ADAM12: variants seen among roughly 807,000 people sequenced by gnomAD.
ADAM12 encodes ADAM metallopeptidase domain 12.
Under a neutral mutation model 106.4 loss-of-function variants are expected in ADAM12, and 70 were observed. The ratio of observed to expected loss-of-function variants is 0.66; its 90% CI spans 0.54 to 0.80. The LOEUF (loss-of-function observed/expected upper bound fraction) is 0.80. ADAM12 is among the 30% of genes least tolerant of loss of function. The probability of loss-of-function intolerance (pLI) is 0.00; values close to 1 mark genes in which losing one functional copy is unlikely to be tolerated. For missense variants in ADAM12, 1,010 were observed against 1,171.9 expected, an observed-to-expected ratio of 0.86 and a Z score of 2.02; for synonymous variants, 420 against 433.5, an observed-to-expected ratio of 0.97 and a Z score of 0.39.
chr10:126,326,449 C>A (rs530842452), intron 2 of ADAM12, among the ~76,000 whole-genome samples: 6 of 152,220 alleles, frequency 3.9e-5, no homozygotes, highest in Admixed American at 3.3e-4. Flanking sequence ...AGGGCCAAAA[C>A]ACAGGGGTTG....
rs1565026834 is a variant in ADAM12, at chr10:126,064,547, G to T, written c.1609+259C>A. 1 of 421,586 alleles carries T rather than the reference G, an allele frequency of 2.4e-6. No homozygotes were observed. 26.1% of individuals were successfully genotyped at this position (421,586 alleles called of 1,614,324 possible). ...CTGTATCCCCCGGGGCGCACAGTAG[G>T]TGCTCCTGCAGCTCCTGTTGGACCG... On this transcript the variant is annotated intron_variant, in intron 14 of 22. Transcript: ENST00000448723. The surrounding 1 kb of genome is among the most constrained non-coding windows in gnomAD (Gnocchi z 4.4).
At chr10:126,035,970 C>T (rs1954052766) in intron 21 of ADAM12, among the ~76,000 whole-genome samples, 176 bp downstream of exon 21, 1 of 152,002 alleles carries the variant, frequency 6.6e-6, no homozygotes, top group Non-Finnish European at 1.5e-5. Context: ...TATTATACTC[C>T]AGGCACCAAA....
chr10:126,254,223 A>G (rs1590689479), intron 3 of ADAM12, among the ~76,000 whole-genome samples: 2 of 152,162 alleles, frequency 1.3e-5, no homozygotes, highest in African/African-American at 4.8e-5. Flanking sequence ...CAGCTCTGGC[A>G]CCTATCAGCT....
chr10:126,197,370 A>G (rs759858591), intron 3 of ADAM12, among the ~76,000 whole-genome samples: 21 of 152,194 alleles, frequency 1.4e-4, no homozygotes, highest in Admixed American at 5.2e-4. Flanking sequence ...CTCGGGATAC[A>G]TGTCCCAGGC....
intron 1 of ADAM12, among the ~76,000 whole-genome samples, chr10:126,367,029 A>T (rs1180952030): frequency 6.6e-6 from 1 of 152,090 alleles, no homozygotes; most frequent in African/African-American, 2.4e-5. Flanking sequence ...AACAAAAAAT[A>T]TTAGTAAGCT....
rs570013358 is a variant in ADAM12, at chr10:126,308,087, CTAGTAAGGCTCAGTCCAAGCCT to C, written c.186+22303_186+22324del. ...GCTGGGTCAGGGTTGGGCTGCACTT[CTAGTAAGGCTCAGTCCAAGCCT>C]TAGTAAGGCTCATCCTCAAGGATGG... On this transcript the variant is annotated intron_variant, in intron 2 of 22. Coordinates refer to ENST00000448723, the MANE Select transcript of ADAM12 (RefSeq NM_001288973.2). Among the ~76,000 whole-genome samples, 61 of 152,280 alleles carry C rather than the reference CTAGTAAGGCTCAGTCCAAGCCT, an allele frequency of 4.0e-4. 1 individual carries two copies. In the South Asian group the frequency reaches 5.6e-3, roughly 14 times the overall value.
At chr10:126,220,200 A>G (rs548531982) in intron 3 of ADAM12, among the ~76,000 whole-genome samples, 40 of 152,368 alleles carry the variant, frequency 2.6e-4, no homozygotes, top group Admixed American at 7.8e-4. Flanking sequence ...GGGCTTAGTT[A>G]ACTCTCTGAA....
chr10:126,362,143 C>T (rs1486338636), intron 1 of ADAM12, among the ~76,000 whole-genome samples: 1 of 151,824 alleles, frequency 6.6e-6, no homozygotes, highest in Non-Finnish European at 1.5e-5. Context: ...AGACATTTCT[C>T]AAAATAAGAC....
At chr10:126,112,278 C>T (rs998111127) in intron 6 of ADAM12, among the ~76,000 whole-genome samples, 1 of 150,436 alleles carries the variant, frequency 6.6e-6, no homozygotes, top group Admixed American at 6.6e-5. Context: ...GTGCAGCAAA[C>T]CACCATGGCA....
chr10:126,017,745 T>C (rs1432362017), intron 22 of ADAM12, among the ~76,000 whole-genome samples: 2 of 152,228 alleles, frequency 1.3e-5, no homozygotes, highest in Non-Finnish European at 2.9e-5. Context: ...GTAAGACTTT[T>C]ACCAGGCGCA....
rs189125929 is a variant in ADAM12 at position 126,170,544 on chromosome 10, A to G, written c.261-15239T>C. On this transcript the variant is annotated intron_variant, in intron 3 of 22. Transcript: ENST00000448723. Reference sequence around the variant, plus strand: ...AGGCCCACTGAGTTTGCCTGCTCCAATCCCCTAGGCTGAGTCAGGAGGATC... The same window carrying G: ...AGGCCCACTGAGTTTGCCTGCTCCAGTCCCCTAGGCTGAGTCAGGAGGATC... 2.0e-5 allele frequency among the ~76,000 whole-genome samples: 3 copies of G among 152,132 alleles called. No individual in the cohort carries two copies. In the East Asian group the frequency reaches 5.8e-4, roughly 29 times the overall value.
chr10:126,238,606 T>C (rs935881540), intron 3 of ADAM12, among the ~76,000 whole-genome samples: 3 of 152,186 alleles, frequency 2.0e-5, no homozygotes, highest in African/African-American at 7.2e-5. Context: ...ACTTTCAATA[T>C]ACAAAATAAA....
chr10:126,073,443 G>T (rs1331076912), intron 11 of ADAM12, among the ~76,000 whole-genome samples: 1 of 152,000 alleles, frequency 6.6e-6, no homozygotes, highest in Admixed American at 6.6e-5. Flanking sequence ...GGGCAGGTTT[G>T]TTATGTAGGT....
Position 126,207,625 on chromosome 10 carries a change from CT to C in ADAM12, c.261-52321del, listed in dbSNP as rs550448101. Among the ~76,000 whole-genome samples, 837 of 152,298 alleles carry C rather than the reference CT, an allele frequency of 5.5e-3. 9 individuals carry two copies. The highest frequency in any genetic ancestry group is 0.019 in the African/African-American group (803 of 41,570). On this transcript the variant is annotated intron_variant, in intron 3 of 22. Transcript: ENST00000448723. The stretch of plus-strand genomic sequence containing the variant: ...ATTGCTTCTGCTCCAATTATACTGA[CT>C]CATATAGCAATTGGTTACTAAGATA...
At chr10:126,182,631 G>A (rs1957333604) in intron 3 of ADAM12, among the ~76,000 whole-genome samples, 1 of 152,232 alleles carries the variant, frequency 6.6e-6, no homozygotes, top group Admixed American at 6.5e-5. Flanking sequence ...AGGATGTGAA[G>A]AGCCCAGATT....
intron 1 of ADAM12, among the ~76,000 whole-genome samples, chr10:126,383,248 A>C (rs1180619129): frequency 6.6e-6 from 1 of 152,176 alleles, no homozygotes; most frequent in Non-Finnish European, 1.5e-5. Context: ...TACAGACATG[A>C]GCTACCGTGC....
intron 3 of ADAM12, among the ~76,000 whole-genome samples, chr10:126,245,866 A>T (rs961843598): frequency 6.6e-6 from 1 of 152,128 alleles, no homozygotes; most frequent in Non-Finnish European, 1.5e-5. Context: ...GGGTGACAGG[A>T]GAGAGGAATG....
intron 18 of ADAM12, among the ~76,000 whole-genome samples, chr10:126,042,403 CTGTG>C (rs80316743): frequency 0.29 from 43,715 of 151,838 alleles, 6,584 homozygotes; most frequent in Middle Eastern, 0.41. Context: ...ACAGGCAGAC[CTGTG>C]TGTGTGTAAA....
intron 3 of ADAM12, among the ~76,000 whole-genome samples, chr10:126,159,791 T>C (rs548980176): frequency 1.3e-5 from 2 of 152,286 alleles, no homozygotes; most frequent in South Asian, 2.1e-4. Context: ...GAAATGTGAC[T>C]CAGAACAGCA....
Sources: allele counts gnomAD v4.1 joint callset (sites outside exome capture counted in the v4.1 genomes callset), GRCh38; gene constraint gnomAD v4.1.1; non-coding constraint Gnocchi (gnomAD v3.1); transcripts MANE v1.5; gene names NCBI Gene and HGNC (gene_info 2026-07-23, HGNC 2026-07-21).